Variants in DGKG observed in about 807,000 individuals in gnomAD.
DGKG encodes DAG kinase gamma.
In DGKG, 78 loss-of-function variants were observed where a neutral mutation model predicts 105.3. That is an observed-to-expected ratio of 0.74 (90% CI 0.62 to 0.89). The LOEUF is 0.89. Ranked by LOEUF, DGKG falls within the 40% of genes least tolerant of loss-of-function variation. The pLI, the probability that DGKG is intolerant of heterozygous loss-of-function variation, is 0.00. For synonymous variants in DGKG, 346 were observed against 367.1 expected, an observed-to-expected ratio of 0.94 and a Z score of 0.66; for missense variants, 958 against 1,020.1, an observed-to-expected ratio of 0.94 and a Z score of 0.83.
At chr3:186,297,064 T>TCACACACACACACACACACACA (rs1177958964) in intron 5 of DGKG, among the ~76,000 whole-genome samples, 1 of 78,504 alleles carries the variant, frequency 1.3e-5, no homozygotes, top group Non-Finnish European at 2.6e-5. Context: ...TCTGTCTGTC[T>TCACACACACACACACACACACA]CTCTCACACA....
intron 20 of DGKG, among the ~76,000 whole-genome samples, chr3:186,213,385 T>C (rs2268840): frequency 0.17 from 26,455 of 152,280 alleles, 2,773 homozygotes; most frequent in Non-Finnish European, 0.23. Flanking sequence ...ATTCCCAGTG[T>C]GCCACACATA....
chr3:186,163,115 C>CTAGGACTCTGCT, intron 23 of DGKG, among the ~76,000 whole-genome samples: 1 of 152,288 alleles, frequency 6.6e-6, no homozygotes, highest in African/African-American at 2.4e-5. Context: ...AAGCGATCCT[C>CTAGGACTCTGCT]CTACCTCAAC....
chr3:186,172,404 C>A (rs183778734), intron 22 of DGKG, among the ~76,000 whole-genome samples: 20 of 152,326 alleles, frequency 1.3e-4, no homozygotes, highest in Non-Finnish European at 2.6e-4. Flanking sequence ...GGGGCAGGGC[C>A]CCTGACTATG....
At position 186,210,265 on chromosome 3, in the gene DGKG, G is replaced by A. The variant is rs1218788921; in HGVS notation, c.1917+1530C>T. 6.6e-6 allele frequency among the ~76,000 whole-genome samples: 1 copy of A among 152,228 alleles called. No individual in the cohort carries two copies. Among genetic ancestry groups the A allele is most frequent in the African/African-American group, 2.4e-5 (1 of 41,464 alleles). Reference sequence around the variant, plus strand: ...GTCCCTCACTTGTGGTATATTTAAAGAGACCTCACCAGACGGCTGTGCCAA... The same window carrying A: ...GTCCCTCACTTGTGGTATATTTAAAAAGACCTCACCAGACGGCTGTGCCAA... On this transcript the variant is annotated intron_variant, in intron 21 of 24. Coordinates refer to ENST00000265022, the MANE Select transcript of DGKG (RefSeq NM_001346.3). This position sits in a 1 kb window ranked among gnomAD's most constrained non-coding sequence, Gnocchi z 5.2.
At chr3:186,315,886 T>C (rs569675936) in intron 2 of DGKG, among the ~76,000 whole-genome samples, 1 of 152,326 alleles carries the variant, frequency 6.6e-6, no homozygotes, top group East Asian at 1.9e-4. Flanking sequence ...ACCAGTGGAA[T>C]GTGGAGGGAG....
rs543551607 is a variant in DGKG at position 186,190,644 on chromosome 3, C to T, written c.1918-2265G>A. On this transcript the variant is annotated intron_variant, in intron 21 of 24. Coordinates refer to ENST00000265022, the MANE Select transcript of DGKG (RefSeq NM_001346.3). Reference sequence around the variant, plus strand: ...ATGATCTATTTTTCATCCAGTTCTTCGCCATTCTGAACCTGTGTAGATTTT... The same window carrying T: ...ATGATCTATTTTTCATCCAGTTCTTTGCCATTCTGAACCTGTGTAGATTTT... 5.9e-5 allele frequency among the ~76,000 whole-genome samples: 9 copies of T among 152,278 alleles called. 1 individual carries two copies. The highest frequency in any genetic ancestry group is 2.1e-4 in the South Asian group (1 of 4,818).
chr3:186,359,715 C>A (rs989593927), intron 1 of DGKG, among the ~76,000 whole-genome samples: 2 of 152,184 alleles, frequency 1.3e-5, no homozygotes, highest in South Asian at 2.1e-4. Flanking sequence ...AATGCTGGCT[C>A]TCTATGGATT....
chr3:186,186,840 T>C (rs1288257208), intron 22 of DGKG, among the ~76,000 whole-genome samples: 2 of 152,304 alleles, frequency 1.3e-5, no homozygotes, highest in East Asian at 1.9e-4. Flanking sequence ...ATGGCTACTT[T>C]TGGGGCTGGG....
chr3:186,297,570 G>A, intron 4 of DGKG, 87 bp from the exon 5 acceptor site: 2 of 945,144 alleles, frequency 2.1e-6, no homozygotes, highest in East Asian at 2.4e-5. Context: ...ATGGGACCTG[G>A]TTTGCCTTGA....
intron 20 of DGKG, among the ~76,000 whole-genome samples, chr3:186,230,781 T>C (rs536904401): frequency 6.6e-6 from 1 of 152,166 alleles, no homozygotes; most frequent in African/African-American, 2.4e-5. Context: ...CACAAGTAAA[T>C]AAAATTGTGC....
At chr3:186,348,021 C>A (rs970503026) in intron 1 of DGKG, among the ~76,000 whole-genome samples, 23 of 152,230 alleles carry the variant, frequency 1.5e-4, no homozygotes, top group African/African-American at 5.3e-4. Flanking sequence ...TTTCTGTGTT[C>A]AGCAATGAAA....
intron 1 of DGKG, among the ~76,000 whole-genome samples, chr3:186,334,132 C>T (rs887917842): frequency 2.0e-5 from 3 of 152,080 alleles, no homozygotes; most frequent in African/African-American, 4.8e-5. Flanking sequence ...CAGCAGCAGC[C>T]GCTTACTGAG....
At chr3:186,248,435 A>G (rs1721051140) in intron 19 of DGKG, among the ~76,000 whole-genome samples, 1 of 152,206 alleles carries the variant, frequency 6.6e-6, no homozygotes, top group African/African-American at 2.4e-5. Context: ...TCCGGCTTCC[A>G]TGCCAGCGAA....
At chr3:186,334,000 C>G (rs1213469895) in intron 1 of DGKG, among the ~76,000 whole-genome samples, 1 of 152,134 alleles carries the variant, frequency 6.6e-6, no homozygotes, top group East Asian at 1.9e-4. Context: ...AGTCATCATT[C>G]TCCACTTCAT....
At chr3:186,343,582 G>C (rs920107277) in intron 1 of DGKG, among the ~76,000 whole-genome samples, 2 of 152,138 alleles carry the variant, frequency 1.3e-5, no homozygotes, top group South Asian at 2.1e-4. Flanking sequence ...ACTGCACCTG[G>C]ACTATCTTAT....
rs372596386 is a variant in DGKG, at chr3:186,283,500, G to A, written c.594+1160C>T. 2.7e-4 allele frequency among the ~76,000 whole-genome samples: 41 copies of A among 152,210 alleles called. 1 individual carries two copies. The highest frequency in any genetic ancestry group is 7.9e-4 in the African/African-American group (33 of 41,526). On this transcript the variant is annotated intron_variant, in intron 7 of 24. Transcript: ENST00000265022. ...CCCTCCTAGAGAGGCCTTCCTCGGCGACCCTCGCTAAAGCTTCAACTTCTT... is the reference window on the plus strand; with the variant it reads ...CCCTCCTAGAGAGGCCTTCCTCGGCAACCCTCGCTAAAGCTTCAACTTCTT...
In DGKG at chr3:186,242,536, C is replaced by T; in HGVS notation, c.1794G>A (p.Met598Ile). The T allele has an allele frequency of 6.2e-7, 1 of 1,613,844 alleles. No homozygotes were observed. The highest frequency in any genetic ancestry group is 8.5e-7 in the Non-Finnish European group (1 of 1,179,830). The change falls in exon 20 of 25, where the codon ATG becomes ATA. Residue 598 changes from methionine to isoleucine, a missense_variant. Physicochemically the swap from Met to Ile is conservative, Grantham distance 10. This residue lies in a region of DGKG where 315 missense variants were observed against 400.6 expected (regional missense o/e 0.79). Transcript: ENST00000265022. ...DASIAHRFHV[M>I]REKHPEKFNS... ...TGAATTTTTCAGGATGTTTCTCTCT[C>T]ATCACATGGAATCTGTGTGCAATGG... is the stretch of plus-strand genomic sequence containing the variant.
intron 22 of DGKG, among the ~76,000 whole-genome samples, chr3:186,174,081 G>A (rs576598234): frequency 1.3e-5 from 2 of 152,170 alleles, no homozygotes; most frequent in African/African-American, 2.4e-5. Context: ...CACGAGCTTC[G>A]GACAGAGTTG....
intron 24 of DGKG, among the ~76,000 whole-genome samples, chr3:186,155,322 A>ACAG (rs2108470803): frequency 6.6e-6 from 1 of 152,186 alleles, no homozygotes; most frequent in Admixed American, 6.5e-5. Flanking sequence ...TCTCCTGAAT[A>ACAG]GCTGGGATTA....
Sources: gnomAD v4.1 joint callset for allele counts (sites outside exome capture counted in the v4.1 genomes callset) on GRCh38, gnomAD v4.1.1 for gene constraint, gnomAD v4.1.1 regional missense constraint, Gnocchi (gnomAD v3.1) non-coding constraint, MANE v1.5 for transcripts, NCBI Gene and HGNC (gene_info 2026-07-23, HGNC 2026-07-21) for gene names.